Variants in NOS1 observed in about 807,000 individuals in gnomAD.
The protein encoded by NOS1 is nitric oxide synthase 1, also known as NOS type I.
In NOS1, 51 loss-of-function variants were observed where a neutral mutation model predicts 164.5. That is an observed-to-expected ratio of 0.31 (90% CI 0.25 to 0.39). The LOEUF (loss-of-function observed/expected upper bound fraction) is 0.39, where lower values mean the gene tolerates loss of function less well. NOS1 is among the 10% of genes least tolerant of loss of function. NOS1 has a pLI of 1.00. For missense variants in NOS1, 1,362 were observed against 1,885.6 expected (o/e 0.72, Z 5.14); for synonymous variants, 719 against 745.8 (o/e 0.96, Z 0.59).
intron 14 of NOS1, among the ~76,000 whole-genome samples, chr12:117,260,183 C>T (rs1054244488): frequency 6.6e-6 from 1 of 151,876 alleles, no homozygotes; most frequent in Non-Finnish European, 1.5e-5. Flanking sequence ...TCGAGCTGTA[C>T]TTCAGGCAAA....
In NOS1 at chr12:117,272,420, C is replaced by T; in HGVS notation, c.1804G>A (p.Asp602Asn). The change falls in exon 10 of 29, where the codon GAC (aspartate) becomes AAC (asparagine). Residue 602 changes from aspartate to asparagine, a missense_variant. By Grantham distance (23) the Asp-to-Asn change is conservative. Around this residue, in one of 4 missense-constraint regions of NOS1, gnomAD observed 134 missense variants for 267.3 expected, o/e 0.50. Transcript: ENST00000317775. The surrounding 1 kb of genome is among the most constrained non-coding windows in gnomAD (Gnocchi z 4.3). ...TTGTAGCGGGAGTTGTCACAGTAGT[C>T]GCGGACACCAATCTCTGTGCCCATG... ...WYMGTEIGVRDYCDNSRYNIL... is the reference protein window; with the variant it reads ...WYMGTEIGVRNYCDNSRYNIL... The T allele has an allele frequency of 1.9e-6, 3 of 1,613,960 alleles. No homozygotes were observed. Among genetic ancestry groups the T allele is most frequent in the South Asian group, 1.1e-5 (1 of 91,066 alleles).
At position 117,263,081 on chromosome 12, in the gene NOS1, G is replaced by A. The variant is rs143020025; in HGVS notation, c.2222+808C>T. Among the ~76,000 whole-genome samples the A allele has an allele frequency of 2.4e-4, 36 of 152,264 alleles. No homozygotes were observed. In the South Asian group the frequency reaches 6.2e-3, roughly 26 times the overall value. ...CTGTATTTGTTGATTCTTTGACAAA[G>A]GAATGGCTGTGAGCTTCATGACAGC... On this transcript the variant is annotated intron_variant, in intron 13 of 28. Coordinates refer to ENST00000317775, the MANE Select transcript of NOS1 (RefSeq NM_000620.5).
chr12:117,267,675 T>C (rs1872522741), intron 11 of NOS1, among the ~76,000 whole-genome samples: 1 of 152,198 alleles, frequency 6.6e-6, no homozygotes, highest in African/African-American at 2.4e-5. Context: ...CATGCATTTA[T>C]TTAGGAGCCT....
chr12:117,210,953 T>A lies in NOS1; in HGVS notation c.*4356A>T. 1.0e-6 allele frequency: 1 copy of A among 960,408 alleles called. No homozygotes were observed. Among genetic ancestry groups the A allele is most frequent in the Non-Finnish European group, 1.2e-6 (1 of 808,546 alleles). 59.5% of individuals were successfully genotyped at this position (960,408 alleles called of 1,614,324 possible). On this transcript the variant is annotated 3_prime_UTR_variant, in exon 29 of 29. Transcript: ENST00000317775. ...TAGGGGCAAGATGTTTTATTTTATT[T>A]TATTTTATTTTATTTTTTTTGAGAT...
chr12:117,311,437 G>T, intron 3 of NOS1, 29 bp downstream of exon 3: 2 of 1,579,710 alleles, frequency 1.3e-6, no homozygotes, highest in South Asian at 1.2e-5. Context: ...GTGGGAAGCA[G>T]TGGTACCAGC....
intron 16 of NOS1, among the ~76,000 whole-genome samples, chr12:117,256,284 G>GTTGTGTTTTTTTTTTTTTTTTTTTTTTT (rs549611283): frequency 1.7e-5 from 2 of 118,488 alleles, no homozygotes; most frequent in African/African-American, 7.7e-5. Context: ...GGGATTTTCT[G>GTTGTGTTTTTTTTTTTTTTTTTTTTTTT]TTTTTTTTTT....
intron 28 of NOS1, 112 bp from the exon 29 acceptor site, chr12:117,215,436 T>TTA: frequency 6.9e-6 from 9 of 1,303,872 alleles, no homozygotes; most frequent in Non-Finnish European, 8.9e-6. Flanking sequence ...CTTTGTCTCT[T>TTA]TCTTTTTTTT....
chr12:117,294,966 G>C (rs904430035), intron 3 of NOS1, among the ~76,000 whole-genome samples: 7 of 152,198 alleles, frequency 4.6e-5, no homozygotes, highest in African/African-American at 1.7e-4. Context: ...CTGCAGCCAG[G>C]CTCAAAAGGA....
chr12:117,282,516 C>A (rs1873755563), intron 7 of NOS1, among the ~76,000 whole-genome samples: 1 of 152,228 alleles, frequency 6.6e-6, no homozygotes, highest in African/African-American at 2.4e-5. Flanking sequence ...CTCCATACAG[C>A]AACCCCTGTC....
At position 117,213,681 on chromosome 12, in the gene NOS1, AT is replaced by A; in HGVS notation, c.*1627del. ...AACAAGATATGCCCACGTACAGTATATAAAAGAAATGTGGTTTTTCTGTATA... is the reference window on the plus strand; with the variant it reads ...AACAAGATATGCCCACGTACAGTATAAAAAGAAATGTGGTTTTTCTGTATA... On this transcript the variant is annotated 3_prime_UTR_variant, in exon 29 of 29. Transcript: ENST00000317775. 1.0e-6 allele frequency: 1 copy of A among 985,464 alleles called. No individual in the cohort carries two copies. The highest frequency in any genetic ancestry group is 1.2e-6 in the Non-Finnish European group (1 of 829,936). The allele number at this position is 985,464 out of a possible 1,614,324, so 61.0% of individuals were successfully genotyped here. A position where few individuals can be genotyped will look rare whatever the true frequency, so the allele number is the denominator to read the frequency against.
chr12:117,325,204 T>C (rs969390741), intron 2 of NOS1, among the ~76,000 whole-genome samples: 18 of 152,106 alleles, frequency 1.2e-4, no homozygotes, highest in African/African-American at 4.3e-4. Flanking sequence ...CACCCCGACA[T>C]GCAGCCTGGA....
chr12:117,324,738 A>AATAAAT (rs1298612036), intron 2 of NOS1, among the ~76,000 whole-genome samples: 2 of 151,948 alleles, frequency 1.3e-5, no homozygotes, highest in African/African-American at 4.8e-5. Flanking sequence ...TAAATAAATA[A>AATAAAT]AGTGACTGCT....
At position 117,330,098 on chromosome 12, in the gene NOS1, T is replaced by C. The variant is rs555043718; in HGVS notation, c.725+247A>G. ...TGAGAAGACACACTGTCTGCTACCATGATGATTAATTCGCTCTGGGTTTTG... is the reference window on the plus strand; with the variant it reads ...TGAGAAGACACACTGTCTGCTACCACGATGATTAATTCGCTCTGGGTTTTG... On this transcript the variant is annotated intron_variant, in intron 2 of 28. Transcript: ENST00000317775. This position sits in a 1 kb window ranked among gnomAD's most constrained non-coding sequence, Gnocchi z 4.6. Among the ~76,000 whole-genome samples, 23 of 152,320 alleles carry C rather than the reference T, an allele frequency of 1.5e-4. No individual in the cohort carries two copies. Among genetic ancestry groups the C allele is most frequent in the African/African-American group, 5.5e-4 (23 of 41,564 alleles).
chr12:117,316,738 G>C (rs774362921), intron 2 of NOS1, among the ~76,000 whole-genome samples: 2 of 152,154 alleles, frequency 1.3e-5, no homozygotes, highest in Non-Finnish European at 2.9e-5. Flanking sequence ...GGCTTATGTG[G>C]GGGGCCTCTG....
intron 9 of NOS1, among the ~76,000 whole-genome samples, chr12:117,275,927 C>T (rs1873141544): frequency 6.6e-6 from 1 of 152,134 alleles, no homozygotes; most frequent in Non-Finnish European, 1.5e-5. Flanking sequence ...GTCCTTTACT[C>T]TCAAAGGGCA....
intron 1 of NOS1, among the ~76,000 whole-genome samples, chr12:117,334,688 C>G (rs1199133668): frequency 6.6e-6 from 1 of 152,208 alleles, no homozygotes; most frequent in South Asian, 2.1e-4. Flanking sequence ...AGCCATTGCA[C>G]CTGGCCGTCA....
At chr12:117,307,141 CTTTCT>C (rs1437982855) in intron 3 of NOS1, among the ~76,000 whole-genome samples, 11 of 152,172 alleles carry the variant, frequency 7.2e-5, no homozygotes, top group Non-Finnish European at 1.5e-4. Context: ...CTTTTAGTGT[CTTTCT>C]TGCGGAGTCA....
chr12:117,231,816 A>G, intron 22 of NOS1, 146 bp downstream of exon 22: 1 of 852,810 alleles, frequency 1.2e-6, no homozygotes, highest in Non-Finnish European at 1.8e-6. Flanking sequence ...ACGTTGGACC[A>G]GCCAATATGG....
intron 5 of NOS1, among the ~76,000 whole-genome samples, chr12:117,287,647 C>T (rs1566060033): frequency 6.6e-6 from 1 of 152,300 alleles, no homozygotes. Context: ...CCATTTTGGC[C>T]AGGCTGGTCT....
Sources: gnomAD v4.1 joint callset for allele counts (sites outside exome capture counted in the v4.1 genomes callset) on GRCh38, gnomAD v4.1.1 for gene constraint, gnomAD v4.1.1 regional missense constraint, Gnocchi (gnomAD v3.1) non-coding constraint, MANE v1.5 for transcripts, NCBI Gene and HGNC (gene_info 2026-07-23, HGNC 2026-07-21) for gene names.